DAB1: variants seen among roughly 807,000 people sequenced by gnomAD.
The protein encoded by DAB1 is DAB adaptor protein 1.
Under a neutral mutation model 64.6 loss-of-function variants are expected in DAB1, and 15 were observed. The observed-to-expected ratio is 0.23, with a 90% confidence interval of 0.16 to 0.36. DAB1 has a LOEUF of 0.36. DAB1 is among the 10% of genes least tolerant of loss of function. The pLI, the probability that DAB1 is intolerant of heterozygous loss-of-function variation, is 1.00. For synonymous variants in DAB1, 235 were observed against 251.9 expected (o/e 0.93, Z 0.64); for missense variants, 596 against 706.7 (o/e 0.84, Z 1.78).
chr1:57,489,462 A>C (rs1211777825), intron 7 of DAB1, among the ~76,000 whole-genome samples: 1 of 152,152 alleles, frequency 6.6e-6, no homozygotes, highest in Non-Finnish European at 1.5e-5. Context: ...GGTCTTTAAA[A>C]CTGTCTTCAA....
chr1:58,447,863 A>AC (rs1449860943), intron 3 of DAB1, among the ~76,000 whole-genome samples: 14 of 151,810 alleles, frequency 9.2e-5, no homozygotes, highest in African/African-American at 3.2e-4. Context: ...TAAACAAAAA[A>AC]AAAAAAAAAG....
intron 4 of DAB1, chr1:58,229,006 G>C: frequency 2.4e-6 from 1 of 415,196 alleles, no homozygotes; most frequent in Non-Finnish European, 4.7e-6. Flanking sequence ...TCCCACCTGG[G>C]GCAGATCACC....
At chr1:57,293,483 C>T (rs1672947743) in intron 1 of DAB1, among the ~76,000 whole-genome samples, 1 of 152,158 alleles carries the variant, frequency 6.6e-6, no homozygotes, top group Non-Finnish European at 1.5e-5. Context: ...TATGATCACA[C>T]ACGTAATGTG....
At chr1:57,180,935 T>C (rs1662858483) in intron 2 of DAB1, among the ~76,000 whole-genome samples, 1 of 152,226 alleles carries the variant, frequency 6.6e-6, no homozygotes, top group South Asian at 2.1e-4. Context: ...TTTCCCATAG[T>C]GGTGATGCCC....
At chr1:57,141,846 T>C (rs1365663603) in intron 3 of DAB1, among the ~76,000 whole-genome samples, 1 of 152,136 alleles carries the variant, frequency 6.6e-6, no homozygotes, top group Non-Finnish European at 1.5e-5. Flanking sequence ...GGAACCTCAA[T>C]AAATTAAACG....
At chr1:58,111,986 G>A (rs1478213579) in intron 5 of DAB1, among the ~76,000 whole-genome samples, 3 of 152,086 alleles carry the variant, frequency 2.0e-5, no homozygotes, top group South Asian at 4.2e-4. Flanking sequence ...CACAAACCTC[G>A]ACCTACACCA....
At chr1:57,955,231 G>A (rs1220482972) in intron 5 of DAB1, among the ~76,000 whole-genome samples, 2 of 152,110 alleles carry the variant, frequency 1.3e-5, no homozygotes, top group African/African-American at 4.8e-5. Flanking sequence ...TGAGGCTCAT[G>A]GCAGGTCTCC....
At chr1:58,538,862 C>T (rs994783933) in intron 1 of DAB1, 1 of 871,780 alleles carries the variant, frequency 1.1e-6, no homozygotes. Context: ...GGAACCGGAG[C>T]AGCTTGAAAC....
intron 7 of DAB1, among the ~76,000 whole-genome samples, chr1:57,495,091 T>C (rs1240671130): frequency 6.6e-6 from 1 of 152,148 alleles, no homozygotes; most frequent in Non-Finnish European, 1.5e-5. Context: ...AGGGATAGCA[T>C]GGCAGGAGTT....
At chr1:57,567,150 A>G (rs1645132832) in intron 7 of DAB1, among the ~76,000 whole-genome samples, 1 of 152,238 alleles carries the variant, frequency 6.6e-6, no homozygotes, top group African/African-American at 2.4e-5. Flanking sequence ...GTAATCCAGC[A>G]TATAAACAGA....
rs114318234 is a variant in DAB1, at chr1:58,220,600, G to A, written n.310-70012C>T. ...AGAGCCCGCCACATAACAAGTTAAA[G>A]AGCAGTGGCTGTGGAGTCTCTGATC... On this transcript the variant is annotated intron_variant and non_coding_transcript_variant, in intron 4 of 20. Transcript: ENST00000485760. Among the ~76,000 whole-genome samples the A allele has an allele frequency of 1.3e-3, 205 of 152,250 alleles. 1 individual carries two copies. Among genetic ancestry groups the A allele is most frequent in the Middle Eastern group, 3.4e-3 (1 of 294 alleles).
intron 1 of DAB1, among the ~76,000 whole-genome samples, chr1:57,293,765 A>AT (rs2100674386): frequency 7.8e-6 from 1 of 127,924 alleles, no homozygotes; most frequent in East Asian, 2.5e-4. Context: ...CATTTTCAAG[A>AT]ATTTTTTAAA....
chr1:57,517,109 C>T (rs1319036618), intron 7 of DAB1, among the ~76,000 whole-genome samples: 1 of 152,134 alleles, frequency 6.6e-6, no homozygotes, highest in Non-Finnish European at 1.5e-5. Context: ...GTCAGGCATA[C>T]AGTAGGTGCC....
At chr1:58,146,238 G>A (rs1654585714) in intron 5 of DAB1, among the ~76,000 whole-genome samples, 2 of 152,056 alleles carry the variant, frequency 1.3e-5, no homozygotes, top group Admixed American at 6.5e-5. Context: ...TGGGGGGTTG[G>A]CTCTTCTAAC....
intron 2 of DAB1, among the ~76,000 whole-genome samples, chr1:57,160,296 C>A (rs1660627064): frequency 6.6e-6 from 1 of 152,150 alleles, no homozygotes; most frequent in Non-Finnish European, 1.5e-5. Context: ...TTCCTCACAG[C>A]CACCTAGCAT....
At chr1:57,817,374 CTGAT>C (rs1312052044) in intron 6 of DAB1, among the ~76,000 whole-genome samples, 2 of 152,296 alleles carry the variant, frequency 1.3e-5, no homozygotes, top group Admixed American at 1.3e-4. Flanking sequence ...AAGCATTCTT[CTGAT>C]TGCTTCAGAT....
At chr1:57,498,595 T>C (rs1261348306) in intron 7 of DAB1, among the ~76,000 whole-genome samples, 3 of 152,100 alleles carry the variant, frequency 2.0e-5, no homozygotes, top group Non-Finnish European at 4.4e-5. Context: ...TGAGATCACT[T>C]GATGACTTTA....
chr1:58,386,625 A>G (rs1402389309), intron 3 of DAB1, among the ~76,000 whole-genome samples: 1 of 152,170 alleles, frequency 6.6e-6, no homozygotes, highest in Non-Finnish European at 1.5e-5. Context: ...ACTTTCAGCA[A>G]GTCATTTAAC....
intron 2 of DAB1, among the ~76,000 whole-genome samples, chr1:57,244,039 C>T (rs1174799960): frequency 1.3e-5 from 2 of 151,260 alleles, no homozygotes; most frequent in Admixed American, 6.7e-5. Flanking sequence ...GAATGTTCCA[C>T]TTGTTGTTTC....
Sources: allele counts gnomAD v4.1 joint callset (sites outside exome capture counted in the v4.1 genomes callset), GRCh38; gene constraint gnomAD v4.1.1; transcripts MANE v1.5; gene names NCBI Gene and HGNC (gene_info 2026-07-23, HGNC 2026-07-21).